Variants in GALNT17 observed in about 807,000 individuals in gnomAD.
The protein encoded by GALNT17 is UDP-GalNAc:polypeptide N-acetylgalactosaminyltransferase-like 3.
GALNT17 carries 29 observed loss-of-function variants against 63.7 expected under a neutral mutation model. The ratio of observed to expected loss-of-function variants is 0.46; its 90% CI spans 0.34 to 0.62. GALNT17 has a LOEUF of 0.62. Ranked by LOEUF, GALNT17 falls within the 20% of genes least tolerant of loss-of-function variation. GALNT17 has a pLI of 0.01. For synonymous variants in GALNT17, 305 were observed against 318.3 expected, an observed-to-expected ratio of 0.96 and a Z score of 0.45; for missense variants, 603 against 799.6, an observed-to-expected ratio of 0.75 and a Z score of 2.97.
At chr7:71,700,289 C>T (rs1791612108) in intron 9 of GALNT17, among the ~76,000 whole-genome samples, 1 of 148,064 alleles carries the variant, frequency 6.8e-6, no homozygotes, top group Non-Finnish European at 1.5e-5. Context: ...GTTTGGGTGA[C>T]ATAGTGAGAC....
intron 5 of GALNT17, among the ~76,000 whole-genome samples, chr7:71,564,082 G>A (rs1395198738): frequency 2.0e-5 from 3 of 151,878 alleles, no homozygotes; most frequent in East Asian, 1.9e-4. Context: ...CATTAGCCAC[G>A]TGGCAGGGGT....
intron 5 of GALNT17, among the ~76,000 whole-genome samples, chr7:71,566,962 G>T (rs546231926): frequency 1.3e-5 from 2 of 152,230 alleles, no homozygotes; most frequent in African/African-American, 4.8e-5. Flanking sequence ...AGCCCCTCAG[G>T]AACTGCTCAC....
At chr7:71,349,465 A>G (rs1320610305) in intron 2 of GALNT17, among the ~76,000 whole-genome samples, 1 of 152,200 alleles carries the variant, frequency 6.6e-6, no homozygotes, top group Non-Finnish European at 1.5e-5. Context: ...ACTGTGGCAT[A>G]TGGAGGGAAC....
rs367989653 is a variant in GALNT17 at position 71,615,757 on chromosome 7, C to T, written c.1080+44355C>T. Among the ~76,000 whole-genome samples the T allele has an allele frequency of 8.5e-5, 13 of 152,114 alleles. No individual in the cohort carries two copies. In the East Asian group the frequency reaches 1.7e-3, roughly 20 times the overall value. On this transcript the variant is annotated intron_variant, in intron 6 of 10. Transcript: ENST00000333538. ...CCTCCCAAAGTGCTGGGATTACAGGCGTGAGCCACCGCGCCCGGCCTCAAA... is the reference window on the plus strand; with the variant it reads ...CCTCCCAAAGTGCTGGGATTACAGGTGTGAGCCACCGCGCCCGGCCTCAAA...
chr7:71,710,296 T>G (rs1357390279), intron 9 of GALNT17, among the ~76,000 whole-genome samples: 1 of 151,896 alleles, frequency 6.6e-6, no homozygotes, highest in Non-Finnish European at 1.5e-5. Context: ...GATCACGAGG[T>G]CAGGAGTTCG....
intron 6 of GALNT17, among the ~76,000 whole-genome samples, chr7:71,639,922 G>T (rs1790580389): frequency 6.6e-6 from 1 of 152,120 alleles, no homozygotes; most frequent in Non-Finnish European, 1.5e-5. Flanking sequence ...TATATCTCCA[G>T]CACCATTTGC....
intron 1 of GALNT17, among the ~76,000 whole-genome samples, chr7:71,242,294 G>T: frequency 8.4e-6 from 1 of 118,876 alleles, no homozygotes. Context: ...TTTTGAGACA[G>T]AGTCTCACTC....
intron 1 of GALNT17, among the ~76,000 whole-genome samples, chr7:71,170,560 T>G (rs961252939): frequency 3.9e-5 from 6 of 152,126 alleles, no homozygotes; most frequent in Non-Finnish European, 8.8e-5. Flanking sequence ...GGTTTTGAAC[T>G]CCTGACCTCA....
chr7:71,265,119 T>TATATATATATATATATATA (rs58855212), intron 1 of GALNT17, among the ~76,000 whole-genome samples: 5 of 14,390 alleles, frequency 3.5e-4, no homozygotes, highest in Non-Finnish European at 4.0e-4. Flanking sequence ...TATATATATA[T>TATATATATATATATATATA]TTTTTTTTTT....
At chr7:71,394,765 A>T (rs1212957426) in intron 3 of GALNT17, among the ~76,000 whole-genome samples, 1 of 151,892 alleles carries the variant, frequency 6.6e-6, no homozygotes, top group East Asian at 1.9e-4. Context: ...ATTTTTCCTC[A>T]CTTCTGATTG....
chr7:71,158,587 T>A (rs750501113), intron 1 of GALNT17, among the ~76,000 whole-genome samples: 29 of 150,790 alleles, frequency 1.9e-4, no homozygotes, highest in Non-Finnish European at 3.1e-4. Flanking sequence ...TTATTTATTT[T>A]TTTGTTTGAG....
chr7:71,338,741 C>G (rs1305035046), intron 2 of GALNT17, among the ~76,000 whole-genome samples: 1 of 152,146 alleles, frequency 6.6e-6, no homozygotes, highest in Admixed American at 6.5e-5. Context: ...CTCTCTTTTT[C>G]TATTTAGAGT....
intron 5 of GALNT17, among the ~76,000 whole-genome samples, chr7:71,507,857 A>C (rs1265735641): frequency 6.6e-6 from 1 of 152,194 alleles, no homozygotes; most frequent in African/African-American, 2.4e-5. Flanking sequence ...GAGGATTTCA[A>C]GTTCCCCACG....
At chr7:71,301,988 A>G (rs959253321) in intron 1 of GALNT17, among the ~76,000 whole-genome samples, 1 of 152,212 alleles carries the variant, frequency 6.6e-6, no homozygotes, top group African/African-American at 2.4e-5. Context: ...CTTATAATAC[A>G]TGTAGCAAGA....
chr7:71,280,289 T>C (rs1790757113), intron 1 of GALNT17, among the ~76,000 whole-genome samples: 1 of 152,284 alleles, frequency 6.6e-6, no homozygotes, highest in Middle Eastern at 3.4e-3. Context: ...GGTTTCCCTG[T>C]GCAGTAAGTG....
In GALNT17 at chr7:71,703,827, G is replaced by C. The variant is rs371863817; in HGVS notation, c.1501-6934G>C. Among the ~76,000 whole-genome samples, 3 of 152,116 alleles carry C rather than the reference G, an allele frequency of 2.0e-5. No individual in the cohort carries two copies. The East Asian group carries it at 5.8e-4, about 29-fold the overall frequency. On this transcript the variant is annotated intron_variant, in intron 9 of 10. Coordinates refer to ENST00000333538, the MANE Select transcript of GALNT17 (RefSeq NM_022479.3). Reference sequence around the variant, plus strand: ...CAGTGTGGGAAGAGGGTCAGAGACCGAAGGAAATGAGAGTGAAGGAAGACA... The same window carrying C: ...CAGTGTGGGAAGAGGGTCAGAGACCCAAGGAAATGAGAGTGAAGGAAGACA...
chr7:71,377,100 AT>A (rs869167838), intron 2 of GALNT17, among the ~76,000 whole-genome samples: 8,600 of 66,382 alleles, frequency 0.13, 1,778 homozygotes, highest in African/African-American at 0.33. Context: ...AAAAAAAAAA[AT>A]AAAAATAAAA....
chr7:71,281,214 T>G (rs1790772339), intron 1 of GALNT17, among the ~76,000 whole-genome samples: 1 of 152,166 alleles, frequency 6.6e-6, no homozygotes, highest in South Asian at 2.1e-4. Context: ...ACACCAACTC[T>G]GGGCACTCTC....
intron 5 of GALNT17, among the ~76,000 whole-genome samples, chr7:71,423,228 C>G (rs1195320315): frequency 6.6e-6 from 1 of 152,192 alleles, no homozygotes; most frequent in Non-Finnish European, 1.5e-5. Flanking sequence ...AGGGTGGAGC[C>G]CTTGCCAGGG....
Sources: gnomAD v4.1 joint callset for allele counts (sites outside exome capture counted in the v4.1 genomes callset) on GRCh38, gnomAD v4.1.1 for gene constraint, MANE v1.5 for transcripts, NCBI Gene and HGNC (gene_info 2026-07-23, HGNC 2026-07-21) for gene names.